The following MET variants were observed in gnomAD, a reference collection of about 807,000 sequenced individuals.
The protein encoded by MET is MET proto-oncogene, receptor tyrosine kinase.
Under a neutral mutation model 133.1 loss-of-function variants are expected in MET, and 48 were observed. The observed-to-expected ratio is 0.36, with a 90% CI of 0.29 to 0.46. The LOEUF is 0.46. Among genes scored for constraint, MET ranks in the 20% least tolerant of loss-of-function variants. The pLI is 1.00. For missense variants in MET, 1,442 were observed against 1,695.9 expected (o/e 0.85, Z 2.63); for synonymous variants, 628 against 616.5 (o/e 1.02, Z -0.28).
At chr7:116,701,847 A>T (rs1791592001) in intron 2 of MET, among the ~76,000 whole-genome samples, 1 of 152,172 alleles carries the variant, frequency 6.6e-6, no homozygotes, top group Admixed American at 6.5e-5. Flanking sequence ...CACAAGTTTT[A>T]AAAGAGTCTA....
At chr7:116,793,586 A>T (rs1795580693) in intron 19 of MET, among the ~76,000 whole-genome samples, 2 of 152,110 alleles carry the variant, frequency 1.3e-5, no homozygotes, top group African/African-American at 2.4e-5. Context: ...GTGAACTATT[A>T]TACTTTATGG....
chr7:116,689,988 G>A (rs889827718), intron 1 of MET, among the ~76,000 whole-genome samples: 5 of 152,126 alleles, frequency 3.3e-5, no homozygotes, highest in Non-Finnish European at 5.9e-5. Flanking sequence ...AACTTGAACC[G>A]AGGTTAGAGG....
intron 1 of MET, among the ~76,000 whole-genome samples, chr7:116,698,139 C>A (rs928925693): frequency 2.6e-5 from 4 of 152,192 alleles, no homozygotes; most frequent in Non-Finnish European, 5.9e-5. Flanking sequence ...CCTTTCCAAC[C>A]TACTACCCTG....
chr7:116,745,630 T>C (rs1223301394), intron 5 of MET, among the ~76,000 whole-genome samples: 1 of 152,042 alleles, frequency 6.6e-6, no homozygotes, highest in African/African-American at 2.4e-5. Flanking sequence ...ATACCACACA[T>C]CTACAACTAT....
In MET at chr7:116,797,781, G is replaced by A. The variant is rs1450279142; in HGVS notation, c.*1657G>A. On this transcript the variant is annotated 3_prime_UTR_variant, in exon 21 of 21. Transcript: ENST00000397752. The stretch of plus-strand genomic sequence containing the variant: ...ATTGCGATAAGGAAATGTACTGATT[G>A]CCAATACACCCCACCCTCATTACAT... The A allele has an allele frequency of 4.4e-6, 1 of 226,862 alleles. No individual in the cohort carries two copies. Among genetic ancestry groups the A allele is most frequent in the Non-Finnish European group, 8.8e-6 (1 of 114,068 alleles). The allele number at this position is 226,862 out of a possible 1,614,324, so 14.1% of individuals were successfully genotyped here.
chr7:116,757,881 A>T (rs1794251260), intron 8 of MET, 107 bp downstream of exon 8: 1 of 1,303,896 alleles, frequency 7.7e-7, no homozygotes, highest in Non-Finnish European at 1.1e-6. Flanking sequence ...AAAAATCAAG[A>T]TGTTTATTTG....
intron 19 of MET, among the ~76,000 whole-genome samples, chr7:116,787,855 C>T (rs1795365808): frequency 6.6e-6 from 1 of 152,020 alleles, no homozygotes; most frequent in African/African-American, 2.4e-5. Context: ...AACATATGCC[C>T]ACATGAAGAT....
chr7:116,752,767 G>A (rs554666067), intron 5 of MET, among the ~76,000 whole-genome samples: 1 of 152,242 alleles, frequency 6.6e-6, no homozygotes, highest in South Asian at 2.1e-4. Context: ...GAAAGTGATG[G>A]TAATGATGTG....
At chr7:116,751,151 A>G (rs1471705418) in intron 5 of MET, among the ~76,000 whole-genome samples, 4 of 152,252 alleles carry the variant, frequency 2.6e-5, no homozygotes, top group Non-Finnish European at 4.4e-5. Flanking sequence ...TACTCACAAT[A>G]GCAAAGACTT....
Position 116,778,832 on chromosome 7 carries a change from G to A in MET, c.3397G>A (p.Asp1133Asn), listed in dbSNP as rs745437003. 1 of 1,614,068 alleles carries A rather than the reference G, an allele frequency of 6.2e-7. No homozygotes were observed. The highest frequency in any genetic ancestry group is 8.5e-7 in the Non-Finnish European group (1 of 1,179,972). ...QFLTEGIIMK[D>N]FSHPNVLSLL... ...TCTGACCGAGGGAATCATCATGAAA[G>A]ATTTTAGTCATCCCAATGTCCTCTC... The change falls in exon 17 of 21, where the codon GAT becomes AAT. Residue 1133 changes from aspartate (D) to asparagine (N), a missense_variant. Asp to Asn is a conservative substitution (Grantham distance 23). Coordinates refer to ENST00000397752, the MANE Select transcript of MET (RefSeq NM_000245.4).
At chr7:116,711,687 G>A (rs540729227) in intron 2 of MET, among the ~76,000 whole-genome samples, 2 of 151,582 alleles carry the variant, frequency 1.3e-5, no homozygotes, top group South Asian at 4.2e-4. Context: ...AGACCTCAGT[G>A]GCTCCTCCTC....
chr7:116,770,725 G>A (rs1465556948), intron 12 of MET, among the ~76,000 whole-genome samples: 2 of 151,964 alleles, frequency 1.3e-5, no homozygotes, highest in Admixed American at 6.6e-5. Context: ...GTTTATCCAC[G>A]TGGATGAACA....
intron 5 of MET, among the ~76,000 whole-genome samples, chr7:116,748,644 T>C (rs1478365783): frequency 1.3e-5 from 2 of 151,876 alleles, no homozygotes; most frequent in East Asian, 1.9e-4. Flanking sequence ...CTGAAGGACA[T>C]AGAGACACGA....
At chr7:116,733,109 C>G (rs1304382571) in intron 3 of MET, among the ~76,000 whole-genome samples, 2 of 152,080 alleles carry the variant, frequency 1.3e-5, no homozygotes, top group African/African-American at 4.8e-5. Context: ...CTTCTCAAAC[C>G]TGAAGGAGGG....
At chr7:116,741,715 G>A (rs1252519002) in intron 5 of MET, among the ~76,000 whole-genome samples, 3 of 152,140 alleles carry the variant, frequency 2.0e-5, no homozygotes, top group African/African-American at 7.2e-5. Flanking sequence ...AAGGCTCAAC[G>A]GATGACTATA....
intron 5 of MET, among the ~76,000 whole-genome samples, chr7:116,750,455 G>A (rs541734329): frequency 5.3e-5 from 8 of 152,246 alleles, no homozygotes; most frequent in East Asian, 1.9e-4. Context: ...AGACTTAAAC[G>A]CAAGACCTAA....
chr7:116,740,413 C>A (rs1174445292), intron 4 of MET, among the ~76,000 whole-genome samples: 1 of 152,184 alleles, frequency 6.6e-6, no homozygotes, highest in Non-Finnish European at 1.5e-5. Flanking sequence ...ACATTGGAAT[C>A]CGACTCCAAC....
At chr7:116,708,339 A>C (rs1057304569) in intron 2 of MET, among the ~76,000 whole-genome samples, 1 of 152,168 alleles carries the variant, frequency 6.6e-6, no homozygotes, top group African/African-American at 2.4e-5. Context: ...AAATATATAA[A>C]CTAAATATAT....
chr7:116,757,805 T>C (rs2116925846), intron 8 of MET, 31 bp downstream of exon 8: 1 of 1,603,584 alleles, frequency 6.2e-7, no homozygotes, highest in African/African-American at 1.3e-5. Context: ...GTTGCATCTG[T>C]CAATTTGAAT....
Sources: allele counts gnomAD v4.1 joint callset (sites outside exome capture counted in the v4.1 genomes callset), GRCh38; gene constraint gnomAD v4.1.1; transcripts MANE v1.5; gene names NCBI Gene and HGNC (gene_info 2026-07-23, HGNC 2026-07-21).